CNTN4: variants seen among roughly 807,000 people sequenced by gnomAD.
CNTN4 encodes contactin-4.
CNTN4 carries 77 observed loss-of-function variants against 122.5 expected under a neutral mutation model. The observed-to-expected ratio is 0.63, with a 90% confidence interval of 0.52 to 0.76. The LOEUF is 0.76. Among genes scored for constraint, CNTN4 ranks in the 30% least tolerant of loss-of-function variants. The pLI is 0.00. For synonymous variants in CNTN4, 512 were observed against 447.0 expected, an observed-to-expected ratio of 1.15 and a Z score of -1.83; for missense variants, 1,256 against 1,259.1, an observed-to-expected ratio of 1.00 and a Z score of 0.04.
intron 3 of CNTN4, among the ~76,000 whole-genome samples, chr3:2,355,483 G>A (rs923933486): frequency 6.6e-6 from 1 of 152,150 alleles, no homozygotes. Flanking sequence ...AGAACTTACA[G>A]CTACGAAGTA....
At chr3:2,994,707 A>T (rs1479337049) in intron 14 of CNTN4, among the ~76,000 whole-genome samples, 1 of 152,034 alleles carries the variant, frequency 6.6e-6, no homozygotes, top group Non-Finnish European at 1.5e-5. Context: ...ACTGTAGGAC[A>T]TTGGGAAATA....
intron 3 of CNTN4, among the ~76,000 whole-genome samples, chr3:2,460,179 A>G (rs368308892): frequency 6.6e-6 from 1 of 152,154 alleles, no homozygotes; most frequent in South Asian, 2.1e-4. Context: ...TTCTTATCCT[A>G]TGTATAGTTT....
chr3:2,275,964 G>C (rs1162434371), intron 2 of CNTN4, among the ~76,000 whole-genome samples: 1 of 148,044 alleles, frequency 6.8e-6, no homozygotes, highest in Non-Finnish European at 1.5e-5. Context: ...ATCTTGATTT[G>C]AAAGATTTGA....
chr3:2,448,278 G>C (rs201503152), intron 3 of CNTN4, among the ~76,000 whole-genome samples: 2 of 152,186 alleles, frequency 1.3e-5, no homozygotes, highest in East Asian at 3.9e-4. Context: ...TCATGAATCA[G>C]AATCTGGGTG....
intron 6 of CNTN4, among the ~76,000 whole-genome samples, chr3:2,816,943 G>A (rs1267061454): frequency 6.6e-6 from 1 of 151,934 alleles, no homozygotes; most frequent in African/African-American, 2.4e-5. Flanking sequence ...GCTGGTAAAG[G>A]CTTAATCATG....
At chr3:2,600,204 A>G (rs2080973310) in intron 4 of CNTN4, among the ~76,000 whole-genome samples, 1 of 151,102 alleles carries the variant, frequency 6.6e-6, no homozygotes, top group Non-Finnish European at 1.5e-5. Context: ...CTTGGAGGGC[A>G]GCTTAGATTT....
chr3:2,875,892 C>T (rs2093838572), intron 8 of CNTN4, among the ~76,000 whole-genome samples: 1 of 152,074 alleles, frequency 6.6e-6, no homozygotes, highest in African/African-American at 2.4e-5. Context: ...TAACTAATTG[C>T]CCAAACTGGA....
intron 13 of CNTN4, among the ~76,000 whole-genome samples, chr3:2,961,085 C>T (rs1415257690): frequency 7.0e-6 from 1 of 142,544 alleles, no homozygotes; most frequent in Admixed American, 7.2e-5. Context: ...AAAAAATTAG[C>T]CGGGCGTGGT....
chr3:2,581,629 T>C (rs368941415), intron 4 of CNTN4, among the ~76,000 whole-genome samples: 2 of 152,208 alleles, frequency 1.3e-5, no homozygotes, highest in South Asian at 4.1e-4. Context: ...AAGACCAGTT[T>C]TTTTTCTCTT....
chr3:2,368,675 A>AG (rs2045511457), intron 3 of CNTN4, among the ~76,000 whole-genome samples: 1 of 152,068 alleles, frequency 6.6e-6, no homozygotes, highest in Admixed American at 6.5e-5. Flanking sequence ...ATAATAAAAA[A>AG]AAACTGAACA....
At chr3:2,881,950 A>G (rs1042829559) in intron 8 of CNTN4, among the ~76,000 whole-genome samples, 9 of 152,244 alleles carry the variant, frequency 5.9e-5, no homozygotes, top group African/African-American at 2.2e-4. Flanking sequence ...GGTAATTCCA[A>G]ACTCTTTATG....
intron 13 of CNTN4, among the ~76,000 whole-genome samples, chr3:2,942,467 C>G (rs1206057363): frequency 1.3e-5 from 2 of 152,100 alleles, no homozygotes; most frequent in African/African-American, 2.4e-5. Context: ...TTAGCAAAAC[C>G]TTCCTCATGA....
chr3:2,190,947 C>T (rs1488713181), intron 2 of CNTN4, among the ~76,000 whole-genome samples: 1 of 152,022 alleles, frequency 6.6e-6, no homozygotes, highest in African/African-American at 2.4e-5. Flanking sequence ...GTCTTTACGT[C>T]TGAAGTTCTT....
At chr3:2,950,911 G>T (rs538840831) in intron 13 of CNTN4, among the ~76,000 whole-genome samples, 131 of 152,212 alleles carry the variant, frequency 8.6e-4, no homozygotes, top group African/African-American at 3.0e-3. Flanking sequence ...CTTGATCATT[G>T]TCATATCTTA....
At chr3:2,118,613 T>C (rs2033529090) in intron 2 of CNTN4, among the ~76,000 whole-genome samples, 1 of 152,244 alleles carries the variant, frequency 6.6e-6, no homozygotes, top group South Asian at 2.1e-4. Flanking sequence ...ATATTCCAAA[T>C]TCACTGTTTA....
intron 4 of CNTN4, among the ~76,000 whole-genome samples, chr3:2,671,925 C>T (rs1191729429): frequency 6.6e-6 from 1 of 152,214 alleles, no homozygotes. Context: ...TATTGCTGAA[C>T]AGCAAATATT....
intron 2 of CNTN4, among the ~76,000 whole-genome samples, chr3:2,338,315 A>C (rs2150346370): frequency 6.6e-6 from 1 of 152,182 alleles, no homozygotes; most frequent in East Asian, 1.9e-4. Flanking sequence ...CACTTAAGAA[A>C]AGATCATGTT....
intron 2 of CNTN4, among the ~76,000 whole-genome samples, chr3:2,280,850 CACA>C (rs2041688689): frequency 3.9e-5 from 6 of 152,288 alleles, no homozygotes; most frequent in Admixed American, 6.5e-5. Flanking sequence ...ATGAGAATGA[CACA>C]CATGGTTTTT....
At chr3:2,928,591 T>A in intron 13 of CNTN4, among the ~76,000 whole-genome samples, 1 of 152,210 alleles carries the variant, frequency 6.6e-6, no homozygotes, top group Admixed American at 6.5e-5. Flanking sequence ...AGATGTAGAA[T>A]CTTAGGAAAC....
Sources: allele counts gnomAD v4.1 joint callset (sites outside exome capture counted in the v4.1 genomes callset), GRCh38; gene constraint gnomAD v4.1.1; transcripts MANE v1.5; gene names NCBI Gene and HGNC (gene_info 2026-07-23, HGNC 2026-07-21).